Variants in LIN28B observed in about 807,000 individuals in gnomAD.
The protein encoded by LIN28B is protein lin-28 homolog B.
In LIN28B, 5 loss-of-function variants were observed where a neutral mutation model predicts 21.9. That is an observed-to-expected ratio of 0.23 (90% CI 0.12 to 0.48). The LOEUF (loss-of-function observed/expected upper bound fraction) is 0.48. Ranked by LOEUF, LIN28B falls within the 20% of genes least tolerant of loss-of-function variation. The pLI is 0.98. For missense variants in LIN28B, 245 were observed against 310.5 expected, an observed-to-expected ratio of 0.79 and a Z score of 1.58; for synonymous variants, 109 against 111.3, an observed-to-expected ratio of 0.98 and a Z score of 0.13.
At chr6:104,968,890 A>C (rs926849630) in intron 2 of LIN28B, among the ~76,000 whole-genome samples, 1 of 152,188 alleles carries the variant, frequency 6.6e-6, no homozygotes, top group African/African-American at 2.4e-5. Flanking sequence ...TAAATATTTA[A>C]TAGATCATTA....
chr6:104,979,586 C>T, intron 2 of LIN28B, among the ~76,000 whole-genome samples: 1 of 149,258 alleles, frequency 6.7e-6, no homozygotes, highest in Non-Finnish European at 1.5e-5. Context: ...TTTTCTTTTT[C>T]TTGTTAAAAA....
chr6:105,024,298 T>C (rs888870965), intron 2 of LIN28B, among the ~76,000 whole-genome samples: 4 of 152,146 alleles, frequency 2.6e-5, no homozygotes, highest in Middle Eastern at 3.2e-3. Flanking sequence ...AGCCCAGTGA[T>C]AGAGTTTTTG....
intron 2 of LIN28B, among the ~76,000 whole-genome samples, chr6:104,983,651 G>A (rs1429600059): frequency 1.3e-5 from 2 of 151,952 alleles, no homozygotes; most frequent in Admixed American, 1.3e-4. Flanking sequence ...ATCTCGGCTC[G>A]CTGCAACCTC....
intron 2 of LIN28B, among the ~76,000 whole-genome samples, chr6:104,962,221 A>C (rs1460789234): frequency 1.3e-5 from 2 of 152,072 alleles, no homozygotes; most frequent in Non-Finnish European, 2.9e-5. Flanking sequence ...AATGTATTTC[A>C]TTTATTTCAT....
chr6:104,971,596 C>T (rs1769985952), intron 2 of LIN28B, among the ~76,000 whole-genome samples: 1 of 152,074 alleles, frequency 6.6e-6, no homozygotes, highest in African/African-American at 2.4e-5. Context: ...CTGTTGATAA[C>T]AGTGGGTTAT....
At chr6:104,979,389 G>A (rs989207164) in intron 2 of LIN28B, among the ~76,000 whole-genome samples, 1 of 151,786 alleles carries the variant, frequency 6.6e-6, no homozygotes, top group Non-Finnish European at 1.5e-5. Context: ...TGTATTTTTA[G>A]TAGAGACGGG....
chr6:105,038,273 A>C (rs1771564698), intron 3 of LIN28B, among the ~76,000 whole-genome samples: 1 of 152,206 alleles, frequency 6.6e-6, no homozygotes, highest in Non-Finnish European at 1.5e-5. Flanking sequence ...ACCAGTCTTC[A>C]GAAGCACTGG....
At chr6:105,065,782 G>T (rs1274931036) in intron 3 of LIN28B, among the ~76,000 whole-genome samples, 1 of 152,148 alleles carries the variant, frequency 6.6e-6, no homozygotes, top group Non-Finnish European at 1.5e-5. Context: ...AAGACCACTG[G>T]CCCTCTATAA....
intron 2 of LIN28B, among the ~76,000 whole-genome samples, chr6:104,966,440 T>A (rs906810780): frequency 1.3e-5 from 2 of 152,114 alleles, no homozygotes; most frequent in Non-Finnish European, 2.9e-5. Flanking sequence ...TTATTAATCA[T>A]TTTAATTATA....
rs2114427444 is a variant in LIN28B at position 105,078,615 on chromosome 6, G to T, written c.585G>T (p.Val195=). ...GCACTTCAACTCTCCCTCGAGAAGTGGGAGGCGGGCATGGCTGTACATCAC... is the reference window on the plus strand; with the variant it reads ...GCACTTCAACTCTCCCTCGAGAAGTTGGAGGCGGGCATGGCTGTACATCAC... ...QPCTSTLPRE[V]GGGHGCTSPP... Residue 195 remains valine (V), a synonymous_variant, in exon 4 of 4, where the codon GTG becomes GTT. Transcript: ENST00000345080. 1.2e-6 allele frequency: 2 copies of T among 1,614,128 alleles called. No homozygotes were observed. The highest frequency in any genetic ancestry group is 2.2e-5 in the East Asian group (1 of 44,872).
chr6:104,992,044 T>A (rs1291681359), intron 2 of LIN28B, among the ~76,000 whole-genome samples: 1 of 150,468 alleles, frequency 6.6e-6, no homozygotes, highest in Non-Finnish European at 1.5e-5. Context: ...GTCTTTTAAT[T>A]GGAGTCTTTA....
At chr6:105,023,267 TTTA>T (rs1170925949) in intron 2 of LIN28B, among the ~76,000 whole-genome samples, 13 of 56,404 alleles carry the variant, frequency 2.3e-4, no homozygotes, top group East Asian at 1.2e-3. Flanking sequence ...ATAATTATTA[TTTA>T]TTATTATATA....
chr6:105,025,555 C>T (rs1001225249), intron 2 of LIN28B, among the ~76,000 whole-genome samples: 14 of 152,022 alleles, frequency 9.2e-5, no homozygotes, highest in Non-Finnish European at 1.9e-4. Context: ...CTTTCTAGAA[C>T]GGGACTGGAG....
intron 3 of LIN28B, among the ~76,000 whole-genome samples, chr6:105,057,205 C>T (rs1255713568): frequency 1.3e-5 from 2 of 152,210 alleles, no homozygotes; most frequent in Middle Eastern, 6.8e-3. Flanking sequence ...TTCTTTATAA[C>T]CTCTTGTATT....
intron 1 of LIN28B, 99 bp downstream of exon 1, chr6:104,957,359 T>G: frequency 2.1e-6 from 1 of 485,440 alleles, no homozygotes; most frequent in Non-Finnish European, 3.3e-6. Context: ...CCCCTTCCCC[T>G]TTTACCCCAA....
chr6:105,017,879 C>G (rs1310564789), intron 2 of LIN28B, among the ~76,000 whole-genome samples: 1 of 151,974 alleles, frequency 6.6e-6, no homozygotes, highest in Non-Finnish European at 1.5e-5. Flanking sequence ...ACAGGTACCC[C>G]CTAAATCTCA....
At chr6:105,006,385 C>T (rs1770815668) in intron 2 of LIN28B, among the ~76,000 whole-genome samples, 1 of 152,130 alleles carries the variant, frequency 6.6e-6, no homozygotes. Flanking sequence ...AATCTCAGCT[C>T]ACTGCAATCT....
chr6:105,040,885 C>T (rs1013106192), intron 3 of LIN28B, among the ~76,000 whole-genome samples: 1 of 151,832 alleles, frequency 6.6e-6, no homozygotes, highest in African/African-American at 2.4e-5. Flanking sequence ...TCCTTATATG[C>T]AATTGGATTT....
chr6:104,943,397 T>TATGAATAA (rs1284141562), intron 2 of LIN28B, among the ~76,000 whole-genome samples: 1 of 152,138 alleles, frequency 6.6e-6, no homozygotes, highest in African/African-American at 2.4e-5. Context: ...TGAATAACAG[T>TATGAATAA]CTTCAGGTGT....
Sources: allele counts gnomAD v4.1 joint callset (sites outside exome capture counted in the v4.1 genomes callset), GRCh38; gene constraint gnomAD v4.1.1; transcripts MANE v1.5; gene names NCBI Gene and HGNC (gene_info 2026-07-23, HGNC 2026-07-21).